PC: variants seen among roughly 807,000 people sequenced by gnomAD.
PC encodes pyruvate carboxylase.
In PC, 46 loss-of-function variants were observed where a neutral mutation model predicts 107.8. The observed-to-expected ratio is 0.43, with a 90% CI of 0.34 to 0.55. PC has a LOEUF of 0.55. Ranked by LOEUF, PC falls within the 20% of genes least tolerant of loss-of-function variation. The pLI, the probability that PC is intolerant of heterozygous loss-of-function variation, is 0.04. For synonymous variants in PC, 662 were observed against 684.7 expected, an observed-to-expected ratio of 0.97 and a Z score of 0.52; for missense variants, 1,241 against 1,643.1, an observed-to-expected ratio of 0.76 and a Z score of 4.23.
intron 3 of PC, among the ~76,000 whole-genome samples, chr11:66,891,333 T>G (rs532243371): frequency 1.3e-5 from 2 of 152,134 alleles, no homozygotes; most frequent in East Asian, 3.9e-4. Flanking sequence ...GTGCTGGGAT[T>G]ACAGGCATGA....
chr11:66,924,084 C>G (rs1328732092), intron 3 of PC, among the ~76,000 whole-genome samples: 3 of 151,268 alleles, frequency 2.0e-5, no homozygotes, highest in South Asian at 2.1e-4. Context: ...CACCTGTAAT[C>G]CCAGCTACTT....
chr11:66,913,460 G>A (rs1458829685), intron 3 of PC, among the ~76,000 whole-genome samples: 1 of 151,650 alleles, frequency 6.6e-6, no homozygotes, highest in Non-Finnish European at 1.5e-5. Flanking sequence ...TGAGGTGGGC[G>A]GAACACAAGG....
chr11:66,912,559 TG>T (rs1297169850), intron 3 of PC, among the ~76,000 whole-genome samples: 1 of 152,066 alleles, frequency 6.6e-6, no homozygotes, highest in Non-Finnish European at 1.5e-5. Flanking sequence ...CCGTAAAGGG[TG>T]GAGTTCAGCT....
chr11:66,893,781 C>T (rs1219699196), intron 3 of PC, among the ~76,000 whole-genome samples: 1 of 146,728 alleles, frequency 6.8e-6, no homozygotes, highest in Non-Finnish European at 1.5e-5. Flanking sequence ...AGAACTTAGC[C>T]CCCGCCCCCT....
chr11:66,858,710 T>C lies in PC; in HGVS notation c.1368+5064A>G, dbSNP rs768690295. 8 of 1,552,314 alleles carry C rather than the reference T, an allele frequency of 5.2e-6. No homozygotes were observed. In the East Asian group the frequency reaches 1.7e-4, roughly 33 times the overall value. On this transcript the variant is annotated intron_variant, in intron 12 of 22. Coordinates refer to ENST00000393960, the MANE Select transcript of PC (RefSeq NM_001040716.2). The surrounding 1 kb of genome is among the most constrained non-coding windows in gnomAD (Gnocchi z 5.9). ...GGGTCGGTCCTGACGACCGGTTGGTTGGCAACTCCTCCCGAGCCCGGGCTT... is the reference window on the plus strand; with the variant it reads ...GGGTCGGTCCTGACGACCGGTTGGTCGGCAACTCCTCCCGAGCCCGGGCTT...
chr11:66,895,489 T>C (rs1947723739), intron 3 of PC, among the ~76,000 whole-genome samples: 1 of 152,094 alleles, frequency 6.6e-6, no homozygotes, highest in South Asian at 2.1e-4. Flanking sequence ...AGAAGAAAAC[T>C]TAGAGACAAA....
intron 3 of PC, chr11:66,919,668 G>A (rs962920408): frequency 1.4e-4 from 21 of 152,314 alleles, no homozygotes; most frequent in African/African-American, 4.8e-4. Context: ...TTGGGGAGAG[G>A]GATCTAAGTC....
intron 3 of PC, among the ~76,000 whole-genome samples, chr11:66,903,733 G>C (rs1266101022): frequency 9.3e-6 from 1 of 107,800 alleles, no homozygotes; most frequent in Non-Finnish European, 1.8e-5. Context: ...GGGCAACAGA[G>C]TGAGAGACTC....
intron 11 of PC, among the ~76,000 whole-genome samples, chr11:66,864,763 A>G (rs1946420896): frequency 6.6e-6 from 1 of 152,166 alleles, no homozygotes; most frequent in Admixed American, 6.5e-5. Flanking sequence ...ACTCACACAC[A>G]CAGGTGGCTC....
chr11:66,870,674 C>A lies in PC; in HGVS notation c.751+101G>T. ...GTCCTCTGGAAAAGCGCCCGACAGG[C>A]CCCAGGGCTGTCCCCAAGGCCAGCC... On this transcript the variant is annotated intron_variant, in intron 8 of 22. Transcript: ENST00000393960. This position sits in a 1 kb window ranked among gnomAD's most constrained non-coding sequence, Gnocchi z 6.1. 7.8e-7 allele frequency: 1 copy of A among 1,282,018 alleles called. No individual in the cohort carries two copies. The highest frequency in any genetic ancestry group is 1.1e-6 in the Non-Finnish European group (1 of 890,570). The allele number at this position is 1,282,018 out of a possible 1,614,324, so 79.4% of individuals were successfully genotyped here. A position where few individuals can be genotyped will look rare whatever the true frequency, so the allele number is the denominator to read the frequency against.
intron 12 of PC, among the ~76,000 whole-genome samples, chr11:66,863,202 T>C (rs1393768165): frequency 6.6e-6 from 1 of 151,994 alleles, no homozygotes; most frequent in Non-Finnish European, 1.5e-5. Flanking sequence ...TAGCCGGGCG[T>C]GGTGGGGGGC....
intron 3 of PC, among the ~76,000 whole-genome samples, chr11:66,899,211 G>A (rs1947865072): frequency 6.6e-6 from 1 of 152,050 alleles, no homozygotes; most frequent in African/African-American, 2.4e-5. Flanking sequence ...AAATTATGTG[G>A]GTTTTGGGTC....
chr11:66,857,107 C>G lies in PC; in HGVS notation c.1369-3724G>C, dbSNP rs1325744546. The G allele has an allele frequency of 1.4e-5, 2 of 147,858 alleles. No homozygotes were observed. The highest frequency in any genetic ancestry group is 4.9e-5 in the African/African-American group (2 of 41,104). 9.2% of individuals were successfully genotyped at this position (147,858 alleles called of 1,614,324 possible). A position where few individuals can be genotyped will look rare whatever the true frequency, so the allele number is the denominator to read the frequency against. ...GCCTGTCGCCGCCGCCACCGCTAAC[C>G]GCGCCGGGAAAAGGTGCCGGGAACC... On this transcript the variant is annotated intron_variant, in intron 12 of 22. Transcript: ENST00000393960. The surrounding 1 kb of genome is among the most constrained non-coding windows in gnomAD (Gnocchi z 7.1).
chr11:66,906,330 C>A (rs902261329), intron 3 of PC, among the ~76,000 whole-genome samples: 12 of 152,158 alleles, frequency 7.9e-5, no homozygotes, highest in Non-Finnish European at 2.9e-5. Flanking sequence ...ACATTTCATT[C>A]CAGCCAGGAA....
intron 1 of PC, chr11:66,958,080 G>A (rs1416882451): frequency 1.3e-5 from 2 of 151,228 alleles, no homozygotes; most frequent in African/African-American, 4.8e-5. Context: ...AGCCGGGGGC[G>A]GGTCCGGGGG....
chr11:66,856,927 G>A (rs1945879067), intron 12 of PC: 3 of 146,568 alleles, frequency 2.0e-5, no homozygotes, highest in East Asian at 2.0e-4. Context: ...CGGGCCTCGG[G>A]CGTGACTGGG....
chr11:66,915,302 G>C (rs1245552939), intron 3 of PC, among the ~76,000 whole-genome samples: 1 of 152,220 alleles, frequency 6.6e-6, no homozygotes, highest in Non-Finnish European at 1.5e-5. Flanking sequence ...GATAACCACA[G>C]TGGGAGGGAG....
intron 3 of PC, among the ~76,000 whole-genome samples, chr11:66,915,643 G>A (rs1948445726): frequency 6.6e-6 from 1 of 152,216 alleles, no homozygotes; most frequent in South Asian, 2.1e-4. Flanking sequence ...TCCATGGAGG[G>A]GTGTACCAGG....
intron 3 of PC, among the ~76,000 whole-genome samples, chr11:66,951,707 T>C (rs1949442283): frequency 6.6e-6 from 1 of 151,942 alleles, no homozygotes; most frequent in Admixed American, 6.6e-5. Flanking sequence ...CTGGCCAACA[T>C]GGTAAAACCC....
Sources: gnomAD v4.1 joint callset for allele counts (sites outside exome capture counted in the v4.1 genomes callset) on GRCh38, gnomAD v4.1.1 for gene constraint, Gnocchi (gnomAD v3.1) non-coding constraint, MANE v1.5 for transcripts, NCBI Gene and HGNC (gene_info 2026-07-23, HGNC 2026-07-21) for gene names.